The following ATP10D variants were observed in gnomAD, a reference collection of about 807,000 sequenced individuals.
ATP10D encodes the protein phospholipid-transporting ATPase VD.
Under a neutral mutation model 144.8 loss-of-function variants are expected in ATP10D, and 89 were observed. The ratio of observed to expected loss-of-function variants is 0.61; its 90% CI spans 0.52 to 0.73. The LOEUF is 0.73. Among genes scored for constraint, ATP10D ranks in the 30% least tolerant of loss-of-function variants. The probability of loss-of-function intolerance (pLI) is 0.00; values close to 1 mark genes in which losing one functional copy is unlikely to be tolerated. For synonymous variants in ATP10D, 571 were observed against 615.1 expected (o/e 0.93, Z 1.06); for missense variants, 1,603 against 1,714.8 (o/e 0.93, Z 1.15).
chr4:47,560,949 G>A lies in ATP10D; in HGVS notation c.2542G>A (p.Val848Ile), dbSNP rs1246866348. The change falls in exon 14 of 23, where the codon GTC (valine) becomes ATC (isoleucine). Residue 848 changes from valine (V) to isoleucine (I), a missense_variant and splice_region_variant. Transcript: ENST00000273859. The stretch of plus-strand genomic sequence containing the variant: ...ACCTCTCTTTTAATTCTTCCCGTAG[G>A]TCATGAGTGACACTGAATATGCAGA... The part of the protein sequence containing the change: ...GLRTLCIAKK[V>I]MSDTEYAEWL... The A allele has an allele frequency of 1.9e-6, 3 of 1,614,090 alleles. No individual in the cohort carries two copies. Among genetic ancestry groups the A allele is most frequent in the Non-Finnish European group, 1.7e-6 (2 of 1,179,978 alleles).
intron 1 of ATP10D, among the ~76,000 whole-genome samples, chr4:47,496,359 G>T (rs547202733): frequency 7.9e-5 from 12 of 151,858 alleles, no homozygotes; most frequent in African/African-American, 2.9e-4. Flanking sequence ...GTTTCTCCAT[G>T]TTGGTCAGGC....
At chr4:47,513,115 A>G (rs1344891299) in intron 2 of ATP10D, among the ~76,000 whole-genome samples, 3 of 152,244 alleles carry the variant, frequency 2.0e-5, no homozygotes, top group African/African-American at 7.2e-5. Flanking sequence ...AATGTCAAGT[A>G]GCAGACCAGG....
In ATP10D at chr4:47,587,015, A is replaced by G; in HGVS notation, c.3754-4A>G. ...TCATTTCCTCTGCTCTTCTTGTCTT[A>G]CAGACTTGGATTCACTTGCTGGTCA... On this transcript the variant is annotated splice_polypyrimidine_tract_variant and splice_region_variant and intron_variant, in intron 21 of 22. Transcript: ENST00000273859. 3 of 1,613,396 alleles carry G rather than the reference A, an allele frequency of 1.9e-6. No homozygotes were observed. Among genetic ancestry groups the G allele is most frequent in the Non-Finnish European group, 2.5e-6 (3 of 1,179,452 alleles).
At chr4:47,569,255 T>G in intron 16 of ATP10D, 109 bp downstream of exon 16, 2 of 1,232,900 alleles carry the variant, frequency 1.6e-6, no homozygotes, top group Non-Finnish European at 2.2e-6. Flanking sequence ...TCCTCCTCCC[T>G]TTTTCTCTAC....
rs1449704294 is a variant in ATP10D, at chr4:47,520,583, GAGACAGAGTCTTGC to G, written c.486-2428_486-2415del. Among the ~76,000 whole-genome samples, 12 of 151,656 alleles carry G rather than the reference GAGACAGAGTCTTGC, an allele frequency of 7.9e-5. No homozygotes were observed. In the South Asian group the frequency reaches 2.1e-3, roughly 26 times the overall value. ...TCTTTTTTGTTTTGTTTTGTTTTTT[GAGACAGAGTCTTGC>G]TCTGTCTCAAAAACAGGTTGGAGTG... On this transcript the variant is annotated intron_variant, in intron 3 of 22. Transcript: ENST00000273859.
intron 2 of ATP10D, 102 bp downstream of exon 2, chr4:47,512,932 T>A (rs1716431568): frequency 8.9e-7 from 1 of 1,128,240 alleles, no homozygotes; most frequent in Non-Finnish European, 1.2e-6. Flanking sequence ...ACCTAAGACA[T>A]GTGACATCAT....
chr4:47,572,827 T>A, intron 17 of ATP10D, 45 bp from the exon 18 acceptor site: 1 of 1,613,510 alleles, frequency 6.2e-7, no homozygotes, highest in Non-Finnish European at 8.5e-7. Context: ...TGTTCTAACA[T>A]GTTTGATCAC....
intron 9 of ATP10D, among the ~76,000 whole-genome samples, chr4:47,545,836 A>G (rs1024951592): frequency 2.6e-5 from 4 of 151,824 alleles, no homozygotes; most frequent in African/African-American, 9.7e-5. Flanking sequence ...CATAGGATCT[A>G]TTATAAATTG....
chr4:47,527,945 A>C (rs1261446723), intron 5 of ATP10D, among the ~76,000 whole-genome samples: 1 of 152,198 alleles, frequency 6.6e-6, no homozygotes, highest in Non-Finnish European at 1.5e-5. Flanking sequence ...TACAATGCTC[A>C]TAGCAGCTTT....
At position 47,536,536 on chromosome 4, in the gene ATP10D, T is replaced by A. The variant is rs373358503; in HGVS notation, c.1115T>A (p.Met372Lys). ...TCACCACTGTTGGCAGGATTTTATA[T>A]GTTTTGGACCATGATCATTTTGTTA... ...IISPLLAGFY[M>K]FWTMIILLQV... is the part of the protein sequence containing the mutation. The change falls in exon 8 of 23, where the codon ATG (methionine) becomes AAG (lysine). Residue 372 changes from methionine (M) to lysine (K), a missense_variant. Coordinates refer to ENST00000273859, the MANE Select transcript of ATP10D (RefSeq NM_020453.4). The A allele has an allele frequency of 6.2e-7, 1 of 1,613,102 alleles. No individual in the cohort carries two copies. The highest frequency in any genetic ancestry group is 2.2e-5 in the East Asian group (1 of 44,878).
In ATP10D at chr4:47,512,685, A is replaced by G; in HGVS notation, c.145A>G (p.Arg49Gly). ...CTCTCAGACCCCTAAACTGTCAGGAAGGCACCGGATTGTTGTTCCCCACAT... is the reference window on the plus strand; with the variant it reads ...CTCTCAGACCCCTAAACTGTCAGGAGGGCACCGGATTGTTGTTCCCCACAT... ...KSSQTPKLSG[R>G]HRIVVPHIQP... Residue 49 changes from arginine to glycine, a missense_variant, in exon 2 of 23, where the codon AGG becomes GGG. Transcript: ENST00000273859. 1 of 1,614,210 alleles carries G rather than the reference A, an allele frequency of 6.2e-7. No individual in the cohort carries two copies. Among genetic ancestry groups the G allele is most frequent in the Non-Finnish European group, 8.5e-7 (1 of 1,180,034 alleles).
chr4:47,490,260 T>C (rs1715003169), intron 1 of ATP10D, among the ~76,000 whole-genome samples: 1 of 152,214 alleles, frequency 6.6e-6, no homozygotes, highest in Admixed American at 6.5e-5. Flanking sequence ...TCCTCAGATA[T>C]TTTCTTCACA....
chr4:47,537,833 T>C (rs1038401976), intron 9 of ATP10D, among the ~76,000 whole-genome samples: 1 of 152,180 alleles, frequency 6.6e-6, no homozygotes, highest in African/African-American at 2.4e-5. Context: ...ACGTCACTTA[T>C]TCATTCACCA....
intron 5 of ATP10D, among the ~76,000 whole-genome samples, chr4:47,528,473 G>C (rs1717374865): frequency 1.9e-5 from 1 of 52,118 alleles, no homozygotes; most frequent in Non-Finnish European, 3.8e-5. Flanking sequence ...GTGTGTGTGT[G>C]TGTGTGTGTG....
intron 1 of ATP10D, among the ~76,000 whole-genome samples, chr4:47,491,782 T>C (rs1455479267): frequency 6.6e-6 from 1 of 152,218 alleles, no homozygotes; most frequent in Non-Finnish European, 1.5e-5. Flanking sequence ...GGCTCACTTA[T>C]AATACCTTCT....
At chr4:47,562,178 A>G (rs1719350420) in intron 14 of ATP10D, among the ~76,000 whole-genome samples, 1 of 152,196 alleles carries the variant, frequency 6.6e-6, no homozygotes, top group Non-Finnish European at 1.5e-5. Context: ...CAGAAATATT[A>G]ATATGCTTGA....
chr4:47,525,437 T>C (rs1717190235), intron 4 of ATP10D, 120 bp from the exon 5 acceptor site: 6 of 703,004 alleles, frequency 8.5e-6, no homozygotes, highest in Non-Finnish European at 1.4e-5. Context: ...AAATTCATGA[T>C]ATGAACTTCA....
intron 9 of ATP10D, among the ~76,000 whole-genome samples, chr4:47,538,283 G>C (rs2109425985): frequency 6.6e-6 from 1 of 152,120 alleles, no homozygotes; most frequent in African/African-American, 2.4e-5. Flanking sequence ...TTAGTCTGTG[G>C]GAGAGCTTTT....
intron 15 of ATP10D, among the ~76,000 whole-genome samples, chr4:47,566,215 A>G (rs1406666207): frequency 1.3e-5 from 2 of 152,222 alleles, no homozygotes; most frequent in East Asian, 1.9e-4. Context: ...TTGTTCTTCA[A>G]TTTACAAATT....
Sources: gnomAD v4.1 joint callset for allele counts (sites outside exome capture counted in the v4.1 genomes callset) on GRCh38, gnomAD v4.1.1 for gene constraint, MANE v1.5 for transcripts, NCBI Gene and HGNC (gene_info 2026-07-23, HGNC 2026-07-21) for gene names.